The following CDH8 variants were observed in gnomAD, a reference collection of about 807,000 sequenced individuals.
CDH8 encodes the protein cadherin-8.
In CDH8, 17 loss-of-function variants were observed where a neutral mutation model predicts 68.1. The ratio of observed to expected loss-of-function variants is 0.25; its 90% CI spans 0.17 to 0.37. CDH8 has a LOEUF of 0.37. Among genes scored for constraint, CDH8 ranks in the 10% least tolerant of loss-of-function variants. The probability of loss-of-function intolerance (pLI) is 1.00; values close to 1 mark genes in which losing one functional copy is unlikely to be tolerated. For missense variants in CDH8, 763 were observed against 999.3 expected, an observed-to-expected ratio of 0.76 and a Z score of 3.19; for synonymous variants, 372 against 365.1, an observed-to-expected ratio of 1.02 and a Z score of -0.21.
At chr16:61,767,040 C>T (rs1960614029) in intron 8 of CDH8, among the ~76,000 whole-genome samples, 1 of 151,890 alleles carries the variant, frequency 6.6e-6, no homozygotes, top group Non-Finnish European at 1.5e-5. Context: ...ACATCTTGCT[C>T]TCTTGAAGAG....
At chr16:62,023,651 G>C (rs564025636) in intron 1 of CDH8, among the ~76,000 whole-genome samples, 1 of 152,270 alleles carries the variant, frequency 6.6e-6, no homozygotes, top group Non-Finnish European at 1.5e-5. Flanking sequence ...AACTTCTGCA[G>C]TAAAAGTTGG....
At chr16:61,845,502 T>TTAAAAA (rs1555514547) in intron 4 of CDH8, among the ~76,000 whole-genome samples, 1 of 117,726 alleles carries the variant, frequency 8.5e-6, no homozygotes, top group African/African-American at 3.1e-5. Context: ...TCCAGATATG[T>TTAAAAA]AAAAAAAAAA....
At chr16:61,851,631 G>T (rs1371531421) in intron 4 of CDH8, among the ~76,000 whole-genome samples, 3 of 151,390 alleles carry the variant, frequency 2.0e-5, no homozygotes, top group Non-Finnish European at 2.9e-5. Flanking sequence ...GCAAACATAT[G>T]GTATTGGGGG....
chr16:61,766,297 T>A lies in CDH8; in HGVS notation c.1414+23049A>T, dbSNP rs1005771655. Among the ~76,000 whole-genome samples the A allele has an allele frequency of 3.9e-5, 6 of 151,974 alleles. No homozygotes were observed. The East Asian group carries it at 9.6e-4, about 24-fold the overall frequency. ...CTTAGAATAATGGCCCCCAGTTCCATCCAAATTGCTGCAAAAGATATTTCT... is the reference window on the plus strand; with the variant it reads ...CTTAGAATAATGGCCCCCAGTTCCAACCAAATTGCTGCAAAAGATATTTCT... On this transcript the variant is annotated intron_variant, in intron 8 of 11. Transcript: ENST00000577390.
At chr16:62,004,213 G>A (rs1217493392) in intron 2 of CDH8, among the ~76,000 whole-genome samples, 1 of 152,186 alleles carries the variant, frequency 6.6e-6, no homozygotes, top group African/African-American at 2.4e-5. Flanking sequence ...TATCACATCT[G>A]TTGCTTAGGG....
In CDH8 at chr16:61,789,399, A is replaced by G; in HGVS notation, c.1361T>C (p.Leu454Pro). ...DDGKITLATP[L>P]DRELSVWHNI... is the part of the protein sequence containing the mutation. ...GTGCCATACACTTAATTCTCTGTCA[A>G]GTGGTGTTGCCAGCGTTATCTTCCC... is the stretch of plus-strand genomic sequence containing the variant. Residue 454 changes from leucine (L) to proline (P), a missense_variant, in exon 8 of 12, where the codon CTT becomes CCT. Leu to Pro is a moderately conservative substitution (Grantham distance 98). Around this residue, in one of 2 missense-constraint regions of CDH8, gnomAD observed 397 missense variants for 436.2 expected, o/e 0.91. Transcript: ENST00000577390. 1 of 1,613,200 alleles carries G rather than the reference A, an allele frequency of 6.2e-7. No homozygotes were observed. The highest frequency in any genetic ancestry group is 8.5e-7 in the Non-Finnish European group (1 of 1,179,386).
At chr16:61,660,867 G>C (rs1218963938) in intron 10 of CDH8, among the ~76,000 whole-genome samples, 2 of 151,702 alleles carry the variant, frequency 1.3e-5, no homozygotes, top group Admixed American at 1.3e-4. Context: ...TTCTCGGATG[G>C]ACAAAAAAAT....
chr16:61,797,939 G>A lies in CDH8; in HGVS notation c.1278-8457C>T, dbSNP rs371905726. On this transcript the variant is annotated intron_variant, in intron 7 of 11. Coordinates refer to ENST00000577390, the MANE Select transcript of CDH8 (RefSeq NM_001796.5). ...CTCATTTCTTCAGTGTGTTTGTGTT[G>A]TTTTAAAGTTTGTTCCACAAACACT... Among the ~76,000 whole-genome samples, 16 of 151,976 alleles carry A rather than the reference G, an allele frequency of 1.1e-4. No homozygotes were observed. The South Asian group carries it at 3.3e-3, about 32-fold the overall frequency.
chr16:61,679,438 G>A (rs1963973696), intron 10 of CDH8, among the ~76,000 whole-genome samples: 2 of 151,904 alleles, frequency 1.3e-5, no homozygotes, highest in South Asian at 2.1e-4. Flanking sequence ...GCATTTCTGG[G>A]CAGACCATGC....
At chr16:61,856,959 T>C (rs1378834339) in intron 4 of CDH8, among the ~76,000 whole-genome samples, 160 bp downstream of exon 4, 2 of 152,178 alleles carry the variant, frequency 1.3e-5, no homozygotes, top group Non-Finnish European at 2.9e-5. Flanking sequence ...GCATCAAAAA[T>C]GGTTGTAGGG....
chr16:61,916,830 T>C (rs919693497), intron 2 of CDH8, among the ~76,000 whole-genome samples: 2 of 152,172 alleles, frequency 1.3e-5, no homozygotes, highest in African/African-American at 4.8e-5. Flanking sequence ...GGGGGACACG[T>C]TATTAATGTA....
intron 10 of CDH8, among the ~76,000 whole-genome samples, chr16:61,702,188 C>CG (rs980699291): frequency 2.0e-5 from 3 of 152,140 alleles, no homozygotes; most frequent in African/African-American, 7.2e-5. Flanking sequence ...CTGGCTAACA[C>CG]GGTGAAACCC....
At chr16:61,978,494 G>T (rs1362485385) in intron 2 of CDH8, among the ~76,000 whole-genome samples, 1 of 152,112 alleles carries the variant, frequency 6.6e-6, no homozygotes, top group African/African-American at 2.4e-5. Context: ...TCCTGAAATT[G>T]AATAATTCTG....
In CDH8 at chr16:61,970,793, CCT is replaced by C. The variant is rs1255521667; in HGVS notation, c.252+50357_252+50358del. On this transcript the variant is annotated intron_variant, in intron 2 of 11. Transcript: ENST00000577390. ...TCCCACAAGACTGGCCCCTGTCAGG[CCT>C]CTGAGCCCAAGCCAAGCCATCGCAT... Among the ~76,000 whole-genome samples, 7 of 152,334 alleles carry C rather than the reference CCT, an allele frequency of 4.6e-5. No individual in the cohort carries two copies. In the East Asian group the frequency reaches 1.2e-3, roughly 25 times the overall value.
At chr16:61,815,448 T>A (rs1299404590) in intron 7 of CDH8, among the ~76,000 whole-genome samples, 1 of 152,168 alleles carries the variant, frequency 6.6e-6, no homozygotes, top group African/African-American at 2.4e-5. Context: ...GAACCTGGAT[T>A]TATAGCTAGC....
intron 10 of CDH8, among the ~76,000 whole-genome samples, chr16:61,677,012 A>G (rs186046244): frequency 2.3e-4 from 35 of 152,144 alleles, no homozygotes; most frequent in African/African-American, 7.5e-4. Context: ...TTGTAAGTCA[A>G]CTATACCACA....
At chr16:61,916,603 GTCTC>G (rs1198167787) in intron 2 of CDH8, among the ~76,000 whole-genome samples, 1 of 152,092 alleles carries the variant, frequency 6.6e-6, no homozygotes, top group Non-Finnish European at 1.5e-5. Context: ...AAATTGTATG[GTCTC>G]TTTAAACTTT....
intron 8 of CDH8, among the ~76,000 whole-genome samples, chr16:61,782,434 T>A (rs371288650): frequency 6.7e-6 from 1 of 150,238 alleles, no homozygotes; most frequent in Non-Finnish European, 1.5e-5. Context: ...GCTCGGAGGG[T>A]CCTACGCCCA....
At chr16:61,734,554 C>T (rs1959622771) in intron 8 of CDH8, among the ~76,000 whole-genome samples, 1 of 151,988 alleles carries the variant, frequency 6.6e-6, no homozygotes, top group Admixed American at 6.6e-5. Context: ...TTTCTTAGAC[C>T]ATCCTTCTTT....
Sources: allele counts gnomAD v4.1 joint callset (sites outside exome capture counted in the v4.1 genomes callset), GRCh38; gene constraint gnomAD v4.1.1; regional missense constraint gnomAD v4.1.1; transcripts MANE v1.5; gene names NCBI Gene and HGNC (gene_info 2026-07-23, HGNC 2026-07-21).